The following GOLGA1 variants were observed in gnomAD, a reference collection of about 807,000 sequenced individuals.
GOLGA1 encodes golgin subfamily A member 1.
Under a neutral mutation model 119.7 loss-of-function variants are expected in GOLGA1, and 63 were observed. The observed-to-expected ratio is 0.53, with a 90% CI of 0.43 to 0.65. The LOEUF (loss-of-function observed/expected upper bound fraction) is 0.65, where lower values mean the gene tolerates loss of function less well. GOLGA1 is among the 30% of genes least tolerant of loss of function. The probability of loss-of-function intolerance (pLI) is 0.00; values close to 1 mark genes in which losing one functional copy is unlikely to be tolerated. For synonymous variants in GOLGA1, 318 were observed against 333.4 expected, an observed-to-expected ratio of 0.95 and a Z score of 0.50; for missense variants, 798 against 912.8, an observed-to-expected ratio of 0.87 and a Z score of 1.62.
chr9:124,898,460 T>C (rs1830025406), intron 15 of GOLGA1, 89 bp downstream of exon 15: 13 of 773,298 alleles, frequency 1.7e-5, no homozygotes, highest in Non-Finnish European at 2.9e-5. Flanking sequence ...CCTCCTCCTG[T>C]ACTGTAAGTA....
At chr9:124,890,522 T>C (rs1037741578) in intron 15 of GOLGA1, 44 bp from the exon 16 acceptor site, 2 of 1,438,424 alleles carry the variant, frequency 1.4e-6, no homozygotes, top group African/African-American at 1.4e-5. Flanking sequence ...TAGTTCACAG[T>C]TTTTTAGCTG....
chr9:124,908,439 T>C lies in GOLGA1; in HGVS notation c.1003A>G (p.Arg335Gly), dbSNP rs1363538527. 6.2e-7 allele frequency: 1 copy of C among 1,610,126 alleles called. No homozygotes were observed. Among genetic ancestry groups the C allele is most frequent in the South Asian group, 1.1e-5 (1 of 91,016 alleles). ...TLAEQNLEDT[R>G]QQLLAARSSQ... Reference sequence around the variant, plus strand: ...CTTCTGGCTGCCAAGAGCTGTTGTCTGGTATCCTCCAAATTCTGCTCAGCA... The same window carrying C: ...CTTCTGGCTGCCAAGAGCTGTTGTCCGGTATCCTCCAAATTCTGCTCAGCA... The change falls in exon 12 of 23, where the codon AGA becomes GGA. Residue 335 changes from arginine to glycine, a missense_variant. Coordinates refer to ENST00000373555, the MANE Select transcript of GOLGA1 (RefSeq NM_002077.4).
chr9:124,884,002 T>A (rs1046241703), intron 19 of GOLGA1, among the ~76,000 whole-genome samples: 4 of 152,036 alleles, frequency 2.6e-5, no homozygotes, highest in African/African-American at 4.8e-5. Flanking sequence ...AACTTCATAA[T>A]ATAGGGAAAA....
intron 16 of GOLGA1, among the ~76,000 whole-genome samples, chr9:124,890,186 G>A (rs1829822868): frequency 6.6e-6 from 1 of 152,134 alleles, no homozygotes; most frequent in Non-Finnish European, 1.5e-5. Context: ...GGCATCCTAT[G>A]GGGTAAGAGT....
At chr9:124,926,043 T>C (rs1008128249) in intron 7 of GOLGA1, among the ~76,000 whole-genome samples, 2 of 152,114 alleles carry the variant, frequency 1.3e-5, no homozygotes, top group Admixed American at 1.3e-4. Flanking sequence ...TCTTTAAGTG[T>C]TCCTAATATT....
intron 7 of GOLGA1, among the ~76,000 whole-genome samples, chr9:124,925,317 T>G (rs947021443): frequency 3.3e-5 from 5 of 151,344 alleles, no homozygotes; most frequent in African/African-American, 1.2e-4. Flanking sequence ...AACCCATATC[T>G]CCATATTTAA....
chr9:124,937,682 G>A lies in GOLGA1; in HGVS notation c.135+895C>T, dbSNP rs146951787. Among the ~76,000 whole-genome samples the A allele has an allele frequency of 5.0e-3, 763 of 151,544 alleles. 5 individuals are homozygous for A. The highest frequency in any genetic ancestry group is 0.018 in the African/African-American group (727 of 41,342). On this transcript the variant is annotated intron_variant, in intron 3 of 22. Transcript: ENST00000373555. Reference sequence around the variant, plus strand: ...AATTTATCTAACTTAAGAGGATCCTGTCATATGCAAAAGCCACACTTTATT... The same window carrying A: ...AATTTATCTAACTTAAGAGGATCCTATCATATGCAAAAGCCACACTTTATT...
At chr9:124,906,270 A>G (rs1830230230) in intron 12 of GOLGA1, among the ~76,000 whole-genome samples, 2 of 143,368 alleles carry the variant, frequency 1.4e-5, no homozygotes, top group South Asian at 4.4e-4. Flanking sequence ...GTCTCTACTA[A>G]ATACATAAAA....
At chr9:124,944,547 G>A (rs1054651137), upstream of GOLGA1, 4 of 137,734 alleles carry the variant, frequency 2.9e-5, no homozygotes, top group Non-Finnish European at 4.5e-5. Context: ...TCCAACTCCT[G>A]AGTAATAAAA....
At chr9:124,932,251 T>C (rs1170624961) in intron 3 of GOLGA1, among the ~76,000 whole-genome samples, 1 of 152,236 alleles carries the variant, frequency 6.6e-6, no homozygotes. Flanking sequence ...CATATGATTA[T>C]CATTCCTAAC....
At chr9:124,909,244 C>A (rs1025791019) in intron 11 of GOLGA1, among the ~76,000 whole-genome samples, 3 of 150,936 alleles carry the variant, frequency 2.0e-5, no homozygotes, top group Admixed American at 6.6e-5. Flanking sequence ...ACCCAGGAAG[C>A]GGAGTTGCAG....
At chr9:124,893,431 T>C (rs1250436713) in intron 15 of GOLGA1, among the ~76,000 whole-genome samples, 6 of 152,170 alleles carry the variant, frequency 3.9e-5, no homozygotes, top group Non-Finnish European at 8.8e-5. Context: ...TCTGTTTCTT[T>C]TGTGTTGTTT....
At chr9:124,941,120 G>C (rs1012798985), upstream of GOLGA1, 1 of 99,424 alleles carries the variant, frequency 1.0e-5, no homozygotes, top group African/African-American at 3.0e-5. Flanking sequence ...ACTGCGCGGT[G>C]GGGGGAGGGG....
At chr9:124,903,286 G>A (rs1173642624) in intron 12 of GOLGA1, among the ~76,000 whole-genome samples, 4 of 152,090 alleles carry the variant, frequency 2.6e-5, no homozygotes, top group African/African-American at 9.7e-5. Context: ...CCAGGAGTTC[G>A]AGACCAGCCT....
At chr9:124,943,287 G>C (rs932551449), upstream of GOLGA1, 2 of 152,130 alleles carry the variant, frequency 1.3e-5, no homozygotes, top group Admixed American at 6.5e-5. Context: ...TAAAAACTAT[G>C]AATCCAAACA....
intron 10 of GOLGA1, among the ~76,000 whole-genome samples, chr9:124,918,435 T>C (rs1830494738): frequency 6.6e-6 from 1 of 152,160 alleles, no homozygotes; most frequent in South Asian, 2.1e-4. Flanking sequence ...ATTTTTCCAA[T>C]TATAAAAACA....
At chr9:124,943,088 AG>A (rs1180183759), upstream of GOLGA1, 1 of 152,212 alleles carries the variant, frequency 6.6e-6, no homozygotes, top group Non-Finnish European at 1.5e-5. Flanking sequence ...AAGAAGAAAA[AG>A]GCTGCTGGAA....
chr9:124,916,877 C>CAAAAAAAAAAAAAA, intron 10 of GOLGA1, among the ~76,000 whole-genome samples: 1 of 41,210 alleles, frequency 2.4e-5, no homozygotes, highest in Non-Finnish European at 4.1e-5. Context: ...CCCTGACACA[C>CAAAAAAAAAAAAAA]AAAAAAAAAA....
In GOLGA1 at chr9:124,938,715, T is replaced by A. The variant is rs758828121; in HGVS notation, c.-4A>T. 6.2e-7 allele frequency: 1 copy of A among 1,613,516 alleles called. No homozygotes were observed. The highest frequency in any genetic ancestry group is 1.3e-5 in the African/African-American group (1 of 75,028). The stretch of plus-strand genomic sequence containing the variant: ...TCTTCTTCAGTTTTGCAAACATGTT[T>A]GCTGTGTGGCTATCCTGCACAGATG... On this transcript the variant is annotated 5_prime_UTR_variant, in exon 3 of 23. Coordinates refer to ENST00000373555, the MANE Select transcript of GOLGA1 (RefSeq NM_002077.4).
Sources: gnomAD v4.1 joint callset for allele counts (sites outside exome capture counted in the v4.1 genomes callset) on GRCh38, gnomAD v4.1.1 for gene constraint, MANE v1.5 for transcripts, NCBI Gene and HGNC (gene_info 2026-07-23, HGNC 2026-07-21) for gene names.